UNC5D: variants seen among roughly 807,000 people sequenced by gnomAD.
The protein encoded by UNC5D is unc-5 netrin receptor D.
UNC5D carries 39 observed loss-of-function variants against 105.4 expected under a neutral mutation model. That is an observed-to-expected ratio of 0.37 (90% CI 0.29 to 0.48). UNC5D has a LOEUF of 0.48. UNC5D is among the 20% of genes least tolerant of loss of function. The pLI, the probability that UNC5D is intolerant of heterozygous loss-of-function variation, is 0.98. For missense variants in UNC5D, 991 were observed against 1,202.4 expected (o/e 0.82, Z 2.60); for synonymous variants, 452 against 450.4 (o/e 1.00, Z -0.04).
chr8:35,366,363 T>G (rs761918750), intron 1 of UNC5D, among the ~76,000 whole-genome samples: 2 of 152,118 alleles, frequency 1.3e-5, no homozygotes, highest in Non-Finnish European at 2.9e-5. Flanking sequence ...CATGGACACC[T>G]GCTCGCCCTC....
intron 1 of UNC5D, among the ~76,000 whole-genome samples, chr8:35,314,891 G>T (rs1156371859): frequency 6.6e-6 from 1 of 152,140 alleles, no homozygotes; most frequent in Non-Finnish European, 1.5e-5. Context: ...AGAATTCACA[G>T]AAGGGATATT....
intron 4 of UNC5D, among the ~76,000 whole-genome samples, chr8:35,664,218 C>G (rs1029702746): frequency 6.6e-6 from 1 of 152,100 alleles, no homozygotes; most frequent in African/African-American, 2.4e-5. Context: ...CTAAAGCCCA[C>G]AAAGAAGCAC....
intron 1 of UNC5D, among the ~76,000 whole-genome samples, chr8:35,314,072 CA>C (rs1481268008): frequency 6.6e-6 from 1 of 152,004 alleles, no homozygotes; most frequent in Non-Finnish European, 1.5e-5. Flanking sequence ...ATTTCTCTTT[CA>C]AAAAAATCTA....
chr8:35,479,123 C>T (rs1466941641), intron 1 of UNC5D, among the ~76,000 whole-genome samples: 1 of 152,126 alleles, frequency 6.6e-6, no homozygotes, highest in Non-Finnish European at 1.5e-5. Flanking sequence ...CTTTGGAGAG[C>T]TTTATCCCTG....
intron 1 of UNC5D, among the ~76,000 whole-genome samples, chr8:35,521,861 C>A (rs976318234): frequency 6.6e-6 from 1 of 152,166 alleles, no homozygotes; most frequent in African/African-American, 2.4e-5. Flanking sequence ...GGTTGTTACA[C>A]GCTTAGCTAA....
chr8:35,347,397 C>T (rs531084892), intron 1 of UNC5D, among the ~76,000 whole-genome samples: 2 of 152,078 alleles, frequency 1.3e-5, no homozygotes, highest in Non-Finnish European at 2.9e-5. Flanking sequence ...GGCATTCACC[C>T]TTCATCTTTA....
intron 1 of UNC5D, among the ~76,000 whole-genome samples, chr8:35,458,100 T>A (rs952301021): frequency 6.6e-6 from 1 of 152,172 alleles, no homozygotes; most frequent in East Asian, 1.9e-4. Flanking sequence ...TGCTGCCTGC[T>A]CTGCACCATA....
intron 1 of UNC5D, chr8:35,256,454 C>G (rs2128816914): frequency 6.6e-6 from 1 of 152,254 alleles, no homozygotes; most frequent in Middle Eastern, 3.4e-3. Context: ...TCTCCTAATG[C>G]TATCCCTCCC....
chr8:35,595,222 A>T (rs1416537375), intron 3 of UNC5D, among the ~76,000 whole-genome samples: 1 of 152,218 alleles, frequency 6.6e-6, no homozygotes, highest in African/African-American at 2.4e-5. Context: ...TATTAGTCCA[A>T]GTGTTTCATC....
chr8:35,657,936 T>A (rs1222824614), intron 4 of UNC5D, among the ~76,000 whole-genome samples: 1 of 152,178 alleles, frequency 6.6e-6, no homozygotes, highest in African/African-American at 2.4e-5. Context: ...AAATGAAGCT[T>A]GGAAAAGACA....
chr8:35,660,139 C>T (rs1479246714), intron 4 of UNC5D, among the ~76,000 whole-genome samples: 2 of 152,178 alleles, frequency 1.3e-5, no homozygotes, highest in East Asian at 1.9e-4. Context: ...CATTTACGTC[C>T]TCTCCTAATT....
At chr8:35,358,039 C>A (rs1801654921) in intron 1 of UNC5D, among the ~76,000 whole-genome samples, 1 of 152,122 alleles carries the variant, frequency 6.6e-6, no homozygotes, top group Admixed American at 6.6e-5. Context: ...AAATTTGGAG[C>A]ACTGGGAAAA....
intron 14 of UNC5D, among the ~76,000 whole-genome samples, chr8:35,766,198 G>C (rs960758360): frequency 2.6e-5 from 4 of 152,014 alleles, no homozygotes; most frequent in African/African-American, 9.7e-5. Context: ...TGTTTACCTA[G>C]TACAGTGTGT....
In UNC5D at chr8:35,242,131, G is replaced by C. The variant is rs931546267; in HGVS notation, c.103+6244G>C. On this transcript the variant is annotated intron_variant, in intron 1 of 16. Transcript: ENST00000404895. ...AGAACCCTCCTTCCCAGAAAGATTG[G>C]TACAGGTACCCCCACCACTCCAGCC... Among the ~76,000 whole-genome samples the C allele has an allele frequency of 2.0e-5, 3 of 152,240 alleles. No individual in the cohort carries two copies. The South Asian group carries it at 6.2e-4, about 32-fold the overall frequency.
intron 4 of UNC5D, among the ~76,000 whole-genome samples, chr8:35,622,366 A>T (rs2131034033): frequency 6.6e-6 from 1 of 152,068 alleles, no homozygotes; most frequent in South Asian, 2.1e-4. Flanking sequence ...AAACAAACAA[A>T]ACAAACAAAA....
At chr8:35,600,561 A>G (rs1273608852) in intron 4 of UNC5D, among the ~76,000 whole-genome samples, 1 of 152,066 alleles carries the variant, frequency 6.6e-6, no homozygotes, top group Non-Finnish European at 1.5e-5. Context: ...GATGATGAGC[A>G]TTTTTTCGTG....
chr8:35,449,775 A>T (rs775196754), intron 1 of UNC5D, among the ~76,000 whole-genome samples: 23 of 152,190 alleles, frequency 1.5e-4, no homozygotes, highest in Non-Finnish European at 2.6e-4. Context: ...TGCACATGGT[A>T]GTTGTGTAAT....
chr8:35,548,922 T>A (rs1346829959), intron 1 of UNC5D, among the ~76,000 whole-genome samples: 1 of 152,210 alleles, frequency 6.6e-6, no homozygotes, highest in Non-Finnish European at 1.5e-5. Flanking sequence ...TTTTTCAAAA[T>A]TTTGAAGCAG....
At chr8:35,378,917 C>T (rs1028769778) in intron 1 of UNC5D, among the ~76,000 whole-genome samples, 1 of 152,158 alleles carries the variant, frequency 6.6e-6, no homozygotes, top group East Asian at 1.9e-4. Context: ...CTGCACCTTA[C>T]ACTAAAAAGC....
Sources: gnomAD v4.1 joint callset for allele counts (sites outside exome capture counted in the v4.1 genomes callset) on GRCh38, gnomAD v4.1.1 for gene constraint, MANE v1.5 for transcripts, NCBI Gene and HGNC (gene_info 2026-07-23, HGNC 2026-07-21) for gene names.